Variants in SMYD3 observed in about 807,000 individuals in gnomAD.
SMYD3 encodes SET and MYND domain containing 3, also known as histone-lysine N-methyltransferase SMYD3.
Under a neutral mutation model 57.7 loss-of-function variants are expected in SMYD3, and 36 were observed. That is an observed-to-expected ratio of 0.62 (90% CI 0.48 to 0.82). SMYD3 has a LOEUF of 0.82. Among genes scored for constraint, SMYD3 ranks in the 40% least tolerant of loss-of-function variants. The pLI is 0.00. For synonymous variants in SMYD3, 211 were observed against 195.0 expected (o/e 1.08, Z -0.68); for missense variants, 515 against 538.8 (o/e 0.96, Z 0.44).
At chr1:246,264,142 C>A (rs545739699) in intron 5 of SMYD3, among the ~76,000 whole-genome samples, 1 of 152,140 alleles carries the variant, frequency 6.6e-6, no homozygotes, top group East Asian at 1.9e-4. Flanking sequence ...CAAATGAATA[C>A]AAAATTTATT....
chr1:246,138,288 T>C (rs1035592557), intron 5 of SMYD3, among the ~76,000 whole-genome samples: 4 of 152,046 alleles, frequency 2.6e-5, no homozygotes, highest in African/African-American at 9.7e-5. Context: ...ATATTTGCAT[T>C]AAAACAGTTG....
At chr1:245,781,006 T>C (rs551673583) in intron 10 of SMYD3, among the ~76,000 whole-genome samples, 1 of 152,278 alleles carries the variant, frequency 6.6e-6, no homozygotes, top group African/African-American at 2.4e-5. Context: ...TAAGGCTACA[T>C]ATATGATTCC....
chr1:245,828,431 A>T (rs1174177992), intron 10 of SMYD3, among the ~76,000 whole-genome samples: 1 of 152,242 alleles, frequency 6.6e-6, no homozygotes, highest in Non-Finnish European at 1.5e-5. Context: ...AAAAGAAAGG[A>T]AGTCATACAC....
At chr1:246,483,234 C>T (rs2068135863) in intron 1 of SMYD3, among the ~76,000 whole-genome samples, 1 of 152,184 alleles carries the variant, frequency 6.6e-6, no homozygotes. Flanking sequence ...AAGAGTTAAG[C>T]TGTTGATAAG....
chr1:246,059,987 T>TA (rs1374963885), intron 5 of SMYD3, among the ~76,000 whole-genome samples: 4 of 149,504 alleles, frequency 2.7e-5, no homozygotes, highest in Non-Finnish European at 3.0e-5. Context: ...TATATTGCTT[T>TA]AAAAAAAAAA....
At chr1:246,156,958 G>A (rs749637985) in intron 5 of SMYD3, among the ~76,000 whole-genome samples, 8 of 152,204 alleles carry the variant, frequency 5.3e-5, no homozygotes, top group Non-Finnish European at 8.8e-5. Context: ...ACAATCCAAC[G>A]TAGGCACCAT....
chr1:245,769,573 G>T (rs950219743), intron 10 of SMYD3, among the ~76,000 whole-genome samples: 1 of 152,192 alleles, frequency 6.6e-6, no homozygotes, highest in Non-Finnish European at 1.5e-5. Context: ...TGTAAGAGAT[G>T]TAACAGCCAA....
intron 2 of SMYD3, among the ~76,000 whole-genome samples, chr1:246,352,441 G>A (rs753866963): frequency 5.9e-5 from 9 of 152,084 alleles, no homozygotes; most frequent in African/African-American, 2.2e-4. Flanking sequence ...ATTTAATTTT[G>A]CGTAGTTTTG....
At chr1:246,423,425 G>C (rs1440649396) in intron 1 of SMYD3, among the ~76,000 whole-genome samples, 2 of 152,164 alleles carry the variant, frequency 1.3e-5, no homozygotes, top group East Asian at 1.9e-4. Context: ...CATGAACCAG[G>C]AGCAGTGGCT....
chr1:245,806,716 C>T (rs988968370), intron 10 of SMYD3, among the ~76,000 whole-genome samples: 2 of 151,596 alleles, frequency 1.3e-5, no homozygotes, highest in South Asian at 2.1e-4. Context: ...GGAGACCATC[C>T]TGGCTAACAA....
intron 5 of SMYD3, among the ~76,000 whole-genome samples, chr1:245,977,022 T>TCCGGC (rs2058455831): frequency 1.7e-5 from 2 of 120,530 alleles, no homozygotes; most frequent in Admixed American, 8.4e-5. Context: ...AGCCATCGTC[T>TCCGGC]CTAGCCCAGG....
chr1:246,450,171 C>T (rs2067611229), intron 1 of SMYD3, among the ~76,000 whole-genome samples: 1 of 152,156 alleles, frequency 6.6e-6, no homozygotes, highest in Non-Finnish European at 1.5e-5. Context: ...CCTGTAATCC[C>T]AGCTACTCAG....
intron 5 of SMYD3, among the ~76,000 whole-genome samples, chr1:245,983,619 T>C (rs756024734): frequency 2.6e-5 from 4 of 152,258 alleles, no homozygotes; most frequent in Admixed American, 6.5e-5. Flanking sequence ...ATTTCTCATA[T>C]TGGTTTGATG....
chr1:246,461,733 C>CAAAAAAA (rs34973427), intron 1 of SMYD3, among the ~76,000 whole-genome samples: 11 of 122,818 alleles, frequency 9.0e-5, no homozygotes, highest in African/African-American at 3.2e-4. Context: ...GACTCTGTCT[C>CAAAAAAA]AAAAAAAAAA....
chr1:245,995,714 G>A (rs576699870), intron 5 of SMYD3, among the ~76,000 whole-genome samples: 41 of 152,352 alleles, frequency 2.7e-4, no homozygotes, highest in African/African-American at 8.7e-4. Context: ...AGGGGCCTAG[G>A]CCCCAGTTCT....
chr1:246,182,332 G>T (rs1436895251), intron 5 of SMYD3, among the ~76,000 whole-genome samples: 1 of 151,684 alleles, frequency 6.6e-6, no homozygotes, highest in Non-Finnish European at 1.5e-5. Flanking sequence ...CCCATCTCTC[G>T]ACTTCTCTAT....
chr1:245,753,550 C>T (rs2045483673), intron 11 of SMYD3, among the ~76,000 whole-genome samples: 1 of 131,712 alleles, frequency 7.6e-6, no homozygotes. Context: ...TATGGGTGAG[C>T]TGGGGCAGAC....
At chr1:245,835,777 A>T (rs985113943) in intron 10 of SMYD3, among the ~76,000 whole-genome samples, 2 of 152,216 alleles carry the variant, frequency 1.3e-5, no homozygotes, top group Non-Finnish European at 2.9e-5. Context: ...AAAAACAGGT[A>T]TCAGCGCCCT....
At chr1:245,955,714 G>A (rs1338512036) in intron 5 of SMYD3, 1 of 153,478 alleles carries the variant, frequency 6.5e-6, no homozygotes, top group East Asian at 1.9e-4. Context: ...GTATACATGA[G>A]GTTCAGTACT....
Sources: gnomAD v4.1 joint callset for allele counts (sites outside exome capture counted in the v4.1 genomes callset) on GRCh38, gnomAD v4.1.1 for gene constraint, MANE v1.5 for transcripts, NCBI Gene and HGNC (gene_info 2026-07-23, HGNC 2026-07-21) for gene names.